Variants in EPHX2 observed in about 807,000 individuals in gnomAD.
The protein encoded by EPHX2 is epoxide hydrolase 2.
A neutral mutation model predicts 78.7 loss-of-function variants in EPHX2; 74 were observed. That is an observed-to-expected ratio of 0.94 (90% CI 0.78 to 1.14). The LOEUF is 1.14. Among genes scored for constraint, EPHX2 ranks in the 50% most tolerant of loss-of-function variants. The pLI, the probability that EPHX2 is intolerant of heterozygous loss-of-function variation, is 0.00. For synonymous variants in EPHX2, 251 were observed against 255.2 expected (o/e 0.98, Z 0.16); for missense variants, 715 against 702.5 (o/e 1.02, Z -0.20).
intron 1 of EPHX2, 135 bp from the exon 2 acceptor site, chr8:27,500,791 T>G: frequency 1.3e-6 from 1 of 749,118 alleles, no homozygotes; most frequent in Non-Finnish European, 2.2e-6. Flanking sequence ...CAATTTGAAC[T>G]GCGTTTGCAT....
rs1815230492 is a variant in EPHX2 at position 27,536,856 on chromosome 8, G to A, written c.1242+1G>A. 3 of 1,613,796 alleles carry A rather than the reference G, an allele frequency of 1.9e-6. No homozygotes were observed. Among genetic ancestry groups the A allele is most frequent in the Admixed American group, 3.3e-5 (2 of 59,994 alleles). On this transcript the variant is annotated splice_donor_variant, in intron 13 of 18. Coordinates refer to ENST00000521400, the MANE Select transcript of EPHX2 (RefSeq NM_001979.6). LOFTEE classifies it high-confidence loss of function. Reference sequence around the variant, plus strand: ...AAGCCTCTTCAGAGCAAGCGATGAGGTGAGGGGTGGGGATGGGTGCAGAAG... The same window carrying A: ...AAGCCTCTTCAGAGCAAGCGATGAGATGAGGGGTGGGGATGGGTGCAGAAG...
intron 12 of EPHX2, among the ~76,000 whole-genome samples, chr8:27,528,061 G>A (rs984762620): frequency 2.6e-5 from 4 of 152,186 alleles, no homozygotes; most frequent in Non-Finnish European, 4.4e-5. Flanking sequence ...CAAGCAGAGA[G>A]AGGAGGGACA....
rs1174422724 is a variant in EPHX2, at chr8:27,503,669, G to T, written c.252G>T (p.Lys84Asn). Residue 84 changes from lysine to asparagine, a missense_variant, in exon 3 of 19, where the codon AAG (lysine) becomes AAT (asparagine). By Grantham distance (94) the Lys-to-Asn change is moderately conservative. Coordinates refer to ENST00000521400, the MANE Select transcript of EPHX2 (RefSeq NM_001979.6). ...AGACCGCTAAAGTCTGCCTCCCCAA[G>T]AATTTCTCCATAAAAGAAATCTTTG... Reference protein sequence around the residue: ...CSETAKVCLPKNFSIKEIFDK... With the variant: ...CSETAKVCLPNNFSIKEIFDK... The T allele has an allele frequency of 1.2e-6, 2 of 1,613,892 alleles. No individual in the cohort carries two copies. The highest frequency in any genetic ancestry group is 1.3e-5 in the African/African-American group (1 of 74,880).
intron 10 of EPHX2, among the ~76,000 whole-genome samples, chr8:27,521,511 G>C (rs183425953): frequency 2.6e-5 from 4 of 152,278 alleles, no homozygotes; most frequent in Admixed American, 2.6e-4. Context: ...GGGACTTAAG[G>C]CCTCTTAATT....
Position 27,536,833 on chromosome 8 carries a change from G to C in EPHX2, c.1220G>C (p.Ser407Thr). 6.2e-7 allele frequency: 1 copy of C among 1,613,876 alleles called. No individual in the cohort carries two copies. Among genetic ancestry groups the C allele is most frequent in the Non-Finnish European group, 8.5e-7 (1 of 1,179,940 alleles). ...CAGAACCTGAGTCGGACTTTCAAAA[G>C]CCTCTTCAGAGCAAGCGATGAGGTG... ...LEQNLSRTFKSLFRASDESVL... is the reference protein window; with the variant it reads ...LEQNLSRTFKTLFRASDESVL... Residue 407 changes from serine to threonine, a missense_variant, in exon 13 of 19, where the codon AGC (serine) becomes ACC (threonine). Coordinates refer to ENST00000521400, the MANE Select transcript of EPHX2 (RefSeq NM_001979.6).
At position 27,522,515 on chromosome 8, in the gene EPHX2, G is replaced by A. The variant is rs138999679; in HGVS notation, c.1058+7G>A. On this transcript the variant is annotated splice_region_variant and intron_variant, in intron 11 of 18. Coordinates refer to ENST00000521400, the MANE Select transcript of EPHX2 (RefSeq NM_001979.6). ...TCTACCCCGAGAGAGTGAGGTAATT[G>A]GGCCTCGGGCAATAAAGATTTGGAG... is the stretch of plus-strand genomic sequence containing the variant. The A allele has an allele frequency of 6.2e-7, 1 of 1,613,464 alleles. No homozygotes were observed. The highest frequency in any genetic ancestry group is 8.5e-7 in the Non-Finnish European group (1 of 1,179,616).
intron 11 of EPHX2, among the ~76,000 whole-genome samples, 197 bp downstream of exon 11, chr8:27,522,705 T>A (rs950480907): frequency 6.6e-6 from 1 of 152,126 alleles, no homozygotes; most frequent in Non-Finnish European, 1.5e-5. Context: ...ATGCCTGTAA[T>A]CCCAGCATTT....
At chr8:27,542,314 A>G in intron 16 of EPHX2, among the ~76,000 whole-genome samples, 1 of 152,284 alleles carries the variant, frequency 6.6e-6, no homozygotes, top group Non-Finnish European at 1.5e-5. Flanking sequence ...TAGGAAGCAC[A>G]TGGGCTGAGT....
intron 1 of EPHX2, among the ~76,000 whole-genome samples, chr8:27,492,685 C>T (rs1426349126): frequency 6.6e-6 from 1 of 152,218 alleles, no homozygotes; most frequent in African/African-American, 2.4e-5. Context: ...CCTTATTGTC[C>T]TCTCCCATGT....
At chr8:27,491,920 A>G (rs73556163) in intron 1 of EPHX2, among the ~76,000 whole-genome samples, 7,154 of 152,150 alleles carry the variant, frequency 0.047, 534 homozygotes, top group African/African-American at 0.16. Flanking sequence ...GGAATAATGT[A>G]ATGATTTTCT....
chr8:27,501,011 G>A lies in EPHX2; in HGVS notation c.186+1G>A, dbSNP rs1344314221. 2 of 1,612,794 alleles carry A rather than the reference G, an allele frequency of 1.2e-6. No homozygotes were observed. The highest frequency in any genetic ancestry group is 2.7e-5 in the African/African-American group (2 of 74,820). Reference sequence around the variant, plus strand: ...GAAAGGAGAGATCACACTTTCCCAGGTGAGGGGACATCACCACACAGAGCC... The same window carrying A: ...GAAAGGAGAGATCACACTTTCCCAGATGAGGGGACATCACCACACAGAGCC... On this transcript the variant is annotated splice_donor_variant, in intron 2 of 18. Coordinates refer to ENST00000521400, the MANE Select transcript of EPHX2 (RefSeq NM_001979.6). LOFTEE classifies it high-confidence loss of function.
rs1007243532 is a variant in EPHX2, at chr8:27,523,757, CCT to C, written c.1058+1256_1058+1257del. 1.4e-4 allele frequency among the ~76,000 whole-genome samples: 21 copies of C among 152,158 alleles called. 1 individual carries two copies. Among genetic ancestry groups the C allele is most frequent in the African/African-American group, 5.1e-4 (21 of 41,506 alleles). ...GGTACATAGCATATTCTAGCTTCTT[CCT>C]CTCTCTTTCTCTGTCCCCTCTCTCA... On this transcript the variant is annotated intron_variant, in intron 11 of 18. Transcript: ENST00000521400.
At chr8:27,493,095 T>A (rs1326722969) in intron 1 of EPHX2, 2 of 172,380 alleles carry the variant, frequency 1.2e-5, no homozygotes, top group African/African-American at 2.4e-5. Context: ...TGTAAGACCA[T>A]CTGTAGCTTG....
chr8:27,511,192 A>G (rs1585197081), intron 5 of EPHX2, among the ~76,000 whole-genome samples: 2 of 152,360 alleles, frequency 1.3e-5, no homozygotes, highest in East Asian at 3.9e-4. Context: ...CAGCCACAGC[A>G]AACTAATACA....
At chr8:27,504,215 G>T (rs998778304) in intron 3 of EPHX2, among the ~76,000 whole-genome samples, 1 of 152,068 alleles carries the variant, frequency 6.6e-6, no homozygotes, top group East Asian at 1.9e-4. Flanking sequence ...CGTTGACTTG[G>T]TGTGAACACC....
chr8:27,501,387 C>CTTCTTCTTCTTCT (rs1554519566), intron 2 of EPHX2, among the ~76,000 whole-genome samples: 108 of 67,500 alleles, frequency 1.6e-3, no homozygotes, highest in East Asian at 6.1e-3. Flanking sequence ...TCTTCTTCTT[C>CTTCTTCTTCTTCT]TTCTTCTTTC....
intron 11 of EPHX2, among the ~76,000 whole-genome samples, chr8:27,522,747 G>A (rs1339603731): frequency 1.3e-5 from 2 of 151,760 alleles, no homozygotes; most frequent in Non-Finnish European, 2.9e-5. Flanking sequence ...ATCACCTGAG[G>A]TCAGGAGTTT....
intron 12 of EPHX2, among the ~76,000 whole-genome samples, chr8:27,534,128 C>G (rs1329050228): frequency 6.6e-6 from 1 of 152,118 alleles, no homozygotes; most frequent in Non-Finnish European, 1.5e-5. Flanking sequence ...CTTCCCATGG[C>G]TATTTCTCAC....
intron 10 of EPHX2, among the ~76,000 whole-genome samples, chr8:27,521,922 A>G (rs1032221397): frequency 4.6e-5 from 7 of 152,186 alleles, no homozygotes; most frequent in East Asian, 3.9e-4. Flanking sequence ...ACACGTGGCT[A>G]TAGCTCTTCC....
Sources: gnomAD v4.1 joint callset for allele counts (sites outside exome capture counted in the v4.1 genomes callset) on GRCh38, gnomAD v4.1.1 for gene constraint, MANE v1.5 for transcripts, NCBI Gene and HGNC (gene_info 2026-07-23, HGNC 2026-07-21) for gene names.